Variants in GRID2 observed in about 807,000 individuals in gnomAD.
GRID2 encodes glutamate ionotropic receptor delta type subunit 2.
A neutral mutation model predicts 114.8 loss-of-function variants in GRID2; 33 were observed. That is an observed-to-expected ratio of 0.29 (90% CI 0.22 to 0.38). The LOEUF is 0.38. GRID2 is among the 10% of genes least tolerant of loss of function. The pLI is 1.00. For missense variants in GRID2, 1,184 were observed against 1,257.7 expected (o/e 0.94, Z 0.89); for synonymous variants, 505 against 449.9 (o/e 1.12, Z -1.55).
At chr4:93,601,081 T>G (rs912582166) in intron 13 of GRID2, among the ~76,000 whole-genome samples, 1 of 152,222 alleles carries the variant, frequency 6.6e-6, no homozygotes, top group Non-Finnish European at 1.5e-5. Context: ...AGGCAGTAGA[T>G]TCACAGGTAT....
chr4:93,427,404 C>T (rs141467385), intron 10 of GRID2, among the ~76,000 whole-genome samples: 182 of 151,886 alleles, frequency 1.2e-3, no homozygotes, highest in African/African-American at 4.0e-3. Flanking sequence ...ATAAATGTTG[C>T]CACTAAATAT....
At chr4:92,707,433 A>C (rs921129035) in intron 2 of GRID2, among the ~76,000 whole-genome samples, 1 of 152,204 alleles carries the variant, frequency 6.6e-6, no homozygotes, top group Non-Finnish European at 1.5e-5. Flanking sequence ...TTCAAATACA[A>C]ATATATTAAA....
intron 2 of GRID2, among the ~76,000 whole-genome samples, chr4:92,740,757 CAGATAGAT>C (rs201044905): frequency 7.2e-6 from 1 of 138,930 alleles, no homozygotes; most frequent in Non-Finnish European, 1.7e-5. Flanking sequence ...GATAGATAGA[CAGATAGAT>C]AGATAGAGTT....
At chr4:92,607,381 T>A (rs2149224932) in intron 2 of GRID2, among the ~76,000 whole-genome samples, 1 of 152,106 alleles carries the variant, frequency 6.6e-6, no homozygotes, top group South Asian at 2.1e-4. Flanking sequence ...TTTTATTTTT[T>A]GTGATAAGAA....
chr4:93,214,481 C>A (rs2149479856), intron 5 of GRID2, among the ~76,000 whole-genome samples: 1 of 152,134 alleles, frequency 6.6e-6, no homozygotes, highest in African/African-American at 2.4e-5. Context: ...GTTTTCATAT[C>A]ACTGTTAAAC....
At chr4:93,054,346 T>C (rs1727023014) in intron 2 of GRID2, among the ~76,000 whole-genome samples, 1 of 150,322 alleles carries the variant, frequency 6.7e-6, no homozygotes, top group East Asian at 2.0e-4. Context: ...TTTTATATTA[T>C]TGTAATATTG....
chr4:93,597,959 TTAGA>T (rs1171119533), intron 13 of GRID2, among the ~76,000 whole-genome samples: 66 of 152,216 alleles, frequency 4.3e-4, no homozygotes, highest in Non-Finnish European at 1.2e-4. Context: ...AAGCTTTCTG[TTAGA>T]TAGCCCTGAC....
chr4:93,286,274 A>G (rs866170781), intron 8 of GRID2, among the ~76,000 whole-genome samples: 4 of 152,224 alleles, frequency 2.6e-5, no homozygotes, highest in Middle Eastern at 3.4e-3. Flanking sequence ...TAATAAATGA[A>G]CCAATTGTAG....
intron 14 of GRID2, among the ~76,000 whole-genome samples, chr4:93,661,597 G>A (rs1249119720): frequency 6.6e-6 from 1 of 152,118 alleles, no homozygotes; most frequent in African/African-American, 2.4e-5. Flanking sequence ...ACAGAAACAT[G>A]CATAAAACAA....
intron 4 of GRID2, among the ~76,000 whole-genome samples, chr4:93,175,451 G>A (rs559818110): frequency 2.0e-5 from 3 of 152,028 alleles, no homozygotes; most frequent in Admixed American, 6.5e-5. Flanking sequence ...GATTACAGGC[G>A]TGGGCCACCG....
At chr4:92,846,192 G>C (rs1743310121) in intron 2 of GRID2, among the ~76,000 whole-genome samples, 1 of 151,968 alleles carries the variant, frequency 6.6e-6, no homozygotes, top group African/African-American at 2.4e-5. Context: ...TTAGGTTCAG[G>C]GGCTACATAT....
At chr4:93,351,825 T>G (rs1460119094) in intron 8 of GRID2, among the ~76,000 whole-genome samples, 1 of 152,032 alleles carries the variant, frequency 6.6e-6, no homozygotes, top group East Asian at 1.9e-4. Flanking sequence ...AAATCTAAAT[T>G]TATTTAACTT....
intron 1 of GRID2, among the ~76,000 whole-genome samples, chr4:92,481,436 T>C (rs1722584241): frequency 6.6e-6 from 1 of 152,176 alleles, no homozygotes. Flanking sequence ...ACTAGCCAAT[T>C]ATCTCAGCAC....
chr4:93,797,663 C>T (rs1228299121), intron 1 of GRID2, among the ~76,000 whole-genome samples: 2 of 151,996 alleles, frequency 1.3e-5, no homozygotes, highest in Non-Finnish European at 2.9e-5. Context: ...GAGTCAAGGC[C>T]CTGTGTGTCT....
intron 2 of GRID2, among the ~76,000 whole-genome samples, chr4:92,682,085 CTT>C (rs5860285): frequency 2.3e-4 from 34 of 149,052 alleles, no homozygotes; most frequent in African/African-American, 4.6e-4. Flanking sequence ...GAGAAAGAGT[CTT>C]TTTTTTTTTA....
At chr4:92,940,522 A>G (rs1462384405) in intron 2 of GRID2, among the ~76,000 whole-genome samples, 2 of 152,154 alleles carry the variant, frequency 1.3e-5, no homozygotes, top group Non-Finnish European at 2.9e-5. Flanking sequence ...AACAGGGACA[A>G]TCTGACTTCC....
At chr4:93,267,194 TTTA>T (rs1469748603) in intron 8 of GRID2, among the ~76,000 whole-genome samples, 3 of 151,868 alleles carry the variant, frequency 2.0e-5, no homozygotes, top group South Asian at 2.1e-4. Flanking sequence ...TATTATTTTT[TTTA>T]TTATTATACT....
chr4:92,774,993 T>C (rs1272892765), intron 2 of GRID2, among the ~76,000 whole-genome samples: 1 of 152,204 alleles, frequency 6.6e-6, no homozygotes, highest in Admixed American at 6.6e-5. Context: ...AACTGATTTA[T>C]GTTCATCAGA....
intron 8 of GRID2, among the ~76,000 whole-genome samples, chr4:93,299,801 A>G (rs1052726890): frequency 2.0e-5 from 3 of 152,136 alleles, no homozygotes; most frequent in Non-Finnish European, 4.4e-5. Flanking sequence ...AAGGTATTTA[A>G]TTATTTTATT....
Sources: gnomAD v4.1 joint callset for allele counts (sites outside exome capture counted in the v4.1 genomes callset) on GRCh38, gnomAD v4.1.1 for gene constraint, MANE v1.5 for transcripts, NCBI Gene and HGNC (gene_info 2026-07-23, HGNC 2026-07-21) for gene names.